ADAMTSL3: variants seen among roughly 807,000 people sequenced by gnomAD.
ADAMTSL3 encodes the protein ADAMTS like 3.
In ADAMTSL3, 128 loss-of-function variants were observed where a neutral mutation model predicts 201.7. The observed-to-expected ratio is 0.63, with a 90% CI of 0.55 to 0.73. ADAMTSL3 has a LOEUF of 0.73. ADAMTSL3 is among the 30% of genes least tolerant of loss of function. The pLI is 0.00. For missense variants in ADAMTSL3, 1,990 were observed against 2,119.6 expected (o/e 0.94, Z 1.20); for synonymous variants, 738 against 748.4 (o/e 0.99, Z 0.23).
At chr15:83,786,527 C>A (rs577701113) in intron 4 of ADAMTSL3, among the ~76,000 whole-genome samples, 1 of 152,140 alleles carries the variant, frequency 6.6e-6, no homozygotes, top group Non-Finnish European at 1.5e-5. Flanking sequence ...CCCTATTGTG[C>A]AATCAAATAC....
intron 4 of ADAMTSL3, among the ~76,000 whole-genome samples, chr15:83,795,912 C>T (rs80010299): frequency 0.021 from 3,262 of 152,098 alleles, 133 homozygotes; most frequent in African/African-American, 0.075. Context: ...ATATGTAACA[C>T]ACAAGGAAAT....
chr15:84,034,114 T>A (rs1338928545), intron 28 of ADAMTSL3, among the ~76,000 whole-genome samples: 1 of 152,146 alleles, frequency 6.6e-6, no homozygotes, highest in Non-Finnish European at 1.5e-5. Flanking sequence ...TCCTCAGATA[T>A]CTGGTGGTTT....
intron 2 of ADAMTSL3, among the ~76,000 whole-genome samples, chr15:83,666,411 T>A (rs564823845): frequency 6.6e-6 from 1 of 152,240 alleles, no homozygotes; most frequent in African/African-American, 2.4e-5. Context: ...GAAAATTCCA[T>A]TGATGTCTAT....
chr15:83,902,143 A>T (rs1002731702), intron 15 of ADAMTSL3, among the ~76,000 whole-genome samples: 6 of 152,102 alleles, frequency 3.9e-5, no homozygotes, highest in African/African-American at 1.4e-4. Context: ...CCATCCTTGT[A>T]CAGGTCCTGA....
chr15:83,826,714 A>T (rs1284330854), intron 6 of ADAMTSL3, among the ~76,000 whole-genome samples: 97 of 134,556 alleles, frequency 7.2e-4, no homozygotes, highest in South Asian at 1.1e-3. Flanking sequence ...CCTGTGTCCA[A>T]GTGTTCTCAT....
chr15:83,888,098 C>A (rs1392608089), intron 10 of ADAMTSL3, among the ~76,000 whole-genome samples: 1 of 152,146 alleles, frequency 6.6e-6, no homozygotes, highest in South Asian at 2.1e-4. Flanking sequence ...AAGACATAGT[C>A]CTGCTGGAAC....
At chr15:83,692,139 G>A (rs1483734273) in intron 2 of ADAMTSL3, among the ~76,000 whole-genome samples, 1 of 144,874 alleles carries the variant, frequency 6.9e-6, no homozygotes, top group Non-Finnish European at 1.5e-5. Flanking sequence ...TAGTATGTTT[G>A]TAACAGTTTT....
intron 25 of ADAMTSL3, among the ~76,000 whole-genome samples, chr15:84,016,948 A>G (rs915138561): frequency 6.6e-6 from 1 of 152,032 alleles, no homozygotes; most frequent in African/African-American, 2.4e-5. Context: ...ACAAGCTTAT[A>G]AAACTCTGCA....
At chr15:83,886,240 G>C (rs997268736) in intron 10 of ADAMTSL3, among the ~76,000 whole-genome samples, 6 of 152,130 alleles carry the variant, frequency 3.9e-5, no homozygotes, top group African/African-American at 1.4e-4. Flanking sequence ...TTAAATCAAA[G>C]AATAAATGCA....
At chr15:83,891,457 A>G in intron 12 of ADAMTSL3, 78 bp downstream of exon 12, 4 of 1,200,606 alleles carry the variant, frequency 3.3e-6, no homozygotes, top group Non-Finnish European at 5.0e-6. Context: ...CAATAGCCTA[A>G]AATGTATGAG....
At chr15:83,826,860 A>C (rs1243065225) in intron 6 of ADAMTSL3, among the ~76,000 whole-genome samples, 1 of 152,020 alleles carries the variant, frequency 6.6e-6, no homozygotes, top group African/African-American at 2.4e-5. Flanking sequence ...TTATGGCTGC[A>C]TAGTATTCCA....
At chr15:83,940,903 C>T (rs1365806901) in intron 17 of ADAMTSL3, among the ~76,000 whole-genome samples, 1 of 151,998 alleles carries the variant, frequency 6.6e-6, no homozygotes, top group South Asian at 2.1e-4. Context: ...GACTTGACCA[C>T]AAAACTAGTG....
intron 23 of ADAMTSL3, among the ~76,000 whole-genome samples, chr15:83,995,003 T>C (rs1456765010): frequency 6.6e-6 from 1 of 152,136 alleles, no homozygotes; most frequent in African/African-American, 2.4e-5. Context: ...AGAACTGTGA[T>C]GCAGGCCCAC....
chr15:83,682,255 G>A (rs1318683322), intron 2 of ADAMTSL3, among the ~76,000 whole-genome samples: 3 of 152,076 alleles, frequency 2.0e-5, no homozygotes, highest in East Asian at 3.9e-4. Flanking sequence ...AGATCATGGA[G>A]CCTGAGACAG....
At chr15:83,670,179 A>G (rs1348390324) in intron 2 of ADAMTSL3, among the ~76,000 whole-genome samples, 22 of 148,094 alleles carry the variant, frequency 1.5e-4, no homozygotes, top group Non-Finnish European at 2.5e-4. Context: ...AATTATTTGA[A>G]CCTGGGAGGC....
chr15:83,750,650 C>G (rs147921569), intron 3 of ADAMTSL3, among the ~76,000 whole-genome samples: 2,415 of 152,172 alleles, frequency 0.016, 63 homozygotes, highest in African/African-American at 0.055. Context: ...CTCCTGGGTT[C>G]AAGTGATTCT....
rs150929274 is a variant in ADAMTSL3 at position 83,865,479 on chromosome 15, C to G, written c.803-5323C>G. On this transcript the variant is annotated intron_variant, in intron 8 of 29. Transcript: ENST00000286744. ...TGCCGCATATCTACAACCATCTGAT[C>G]TTTGACAAACCCGACAAAAACAAGA... Among the ~76,000 whole-genome samples the G allele has an allele frequency of 8.4e-3, 1,279 of 152,270 alleles. 18 individuals carry two copies. The highest frequency in any genetic ancestry group is 0.029 in the African/African-American group (1,203 of 41,548).
In ADAMTSL3 at chr15:83,670,089, C is replaced by G. The variant is rs1169388686; in HGVS notation, c.69+14259C>G. 4.6e-5 allele frequency among the ~76,000 whole-genome samples: 7 copies of G among 151,438 alleles called. No individual in the cohort carries two copies. In the South Asian group the frequency reaches 8.4e-4, roughly 18 times the overall value. ...CCTGGCCAACATGGTGAAATCTCAT[C>G]TCTACTAAAAATACAAAAATTAGCC... On this transcript the variant is annotated intron_variant, in intron 2 of 29. Coordinates refer to ENST00000286744, the MANE Select transcript of ADAMTSL3 (RefSeq NM_207517.3).
At chr15:83,728,367 T>G (rs769504761) in intron 3 of ADAMTSL3, among the ~76,000 whole-genome samples, 10 of 151,974 alleles carry the variant, frequency 6.6e-5, no homozygotes, top group Non-Finnish European at 1.2e-4. Context: ...ATGTTATTAT[T>G]TGTAAGTATG....
Sources: gnomAD v4.1 joint callset for allele counts (sites outside exome capture counted in the v4.1 genomes callset) on GRCh38, gnomAD v4.1.1 for gene constraint, MANE v1.5 for transcripts, NCBI Gene and HGNC (gene_info 2026-07-23, HGNC 2026-07-21) for gene names.